Variants in COL23A1 observed in about 807,000 individuals in gnomAD.
The protein encoded by COL23A1 is collagen alpha-1(XXIII) chain.
COL23A1 carries 97 observed loss-of-function variants against 99.3 expected under a neutral mutation model. That is an observed-to-expected ratio of 0.98 (90% CI 0.83 to 1.16). The LOEUF (loss-of-function observed/expected upper bound fraction) is 1.16, where lower values mean the gene tolerates loss of function less well. Among genes scored for constraint, COL23A1 ranks in the 50% most tolerant of loss-of-function variants. The pLI is 0.00. For missense variants in COL23A1, 762 were observed against 757.4 expected (o/e 1.01, Z -0.07); for synonymous variants, 320 against 308.2 (o/e 1.04, Z -0.40).
intron 2 of COL23A1, among the ~76,000 whole-genome samples, chr5:178,546,878 GCA>G (rs1213844478): frequency 1.3e-5 from 2 of 152,182 alleles, no homozygotes; most frequent in African/African-American, 4.8e-5. Context: ...AAGGCCAGGG[GCA>G]CCCGAGCTGT....
At chr5:178,376,966 C>T (rs1218367209) in intron 2 of COL23A1, among the ~76,000 whole-genome samples, 1 of 152,210 alleles carries the variant, frequency 6.6e-6, no homozygotes, top group Admixed American at 6.5e-5. Flanking sequence ...CAAAAGCCCT[C>T]CCTCCCCTCG....
intron 2 of COL23A1, among the ~76,000 whole-genome samples, chr5:178,547,378 G>A (rs1761644312): frequency 6.6e-6 from 1 of 151,618 alleles, no homozygotes; most frequent in Non-Finnish European, 1.5e-5. Context: ...GGCTCTCCTG[G>A]GCCAGATTTT....
At chr5:178,451,196 C>T (rs1003042148) in intron 2 of COL23A1, among the ~76,000 whole-genome samples, 2 of 152,152 alleles carry the variant, frequency 1.3e-5, no homozygotes, top group East Asian at 3.8e-4. Flanking sequence ...CAAGACAAAA[C>T]CCCCTAGAGG....
intron 1 of COL23A1, among the ~76,000 whole-genome samples, chr5:178,588,274 C>T (rs898531418): frequency 6.6e-6 from 1 of 152,170 alleles, no homozygotes; most frequent in Non-Finnish European, 1.5e-5. Context: ...ACTCAAAAAT[C>T]AACACTTCCC....
At chr5:178,520,992 T>TA (rs1212928650) in intron 2 of COL23A1, among the ~76,000 whole-genome samples, 1 of 152,202 alleles carries the variant, frequency 6.6e-6, no homozygotes, top group East Asian at 1.9e-4. Flanking sequence ...AGCATGTACT[T>TA]ACACAAACCT....
chr5:178,424,868 G>C (rs1765825471), intron 2 of COL23A1, among the ~76,000 whole-genome samples: 1 of 152,214 alleles, frequency 6.6e-6, no homozygotes, highest in Admixed American at 6.5e-5. Flanking sequence ...ATACCACACA[G>C]AGGGGGTTCA....
chr5:178,383,034 C>G (rs955783157), intron 2 of COL23A1, among the ~76,000 whole-genome samples: 1 of 152,044 alleles, frequency 6.6e-6, no homozygotes, highest in African/African-American at 2.4e-5. Flanking sequence ...CTGACAGGAG[C>G]CAGGGGGTGT....
intron 24 of COL23A1, 127 bp downstream of exon 24, chr5:178,246,127 C>A: frequency 7.5e-7 from 1 of 1,331,912 alleles, no homozygotes; most frequent in Non-Finnish European, 1.1e-6. Context: ...CTGGCATCCA[C>A]AGAGCCTGAA....
intron 2 of COL23A1, among the ~76,000 whole-genome samples, chr5:178,424,192 A>G: frequency 6.6e-6 from 1 of 152,230 alleles, no homozygotes; most frequent in East Asian, 1.9e-4. Context: ...TCATTCATGC[A>G]TCCTGCATTC....
chr5:178,422,789 A>AG (rs776953402), intron 2 of COL23A1, among the ~76,000 whole-genome samples: 43 of 152,186 alleles, frequency 2.8e-4, no homozygotes, highest in Non-Finnish European at 5.7e-4. Flanking sequence ...ATAAATTACC[A>AG]GACTATGTCA....
At chr5:178,498,025 T>G (rs1032591468) in intron 2 of COL23A1, among the ~76,000 whole-genome samples, 1 of 151,104 alleles carries the variant, frequency 6.6e-6, no homozygotes, top group Non-Finnish European at 1.5e-5. Flanking sequence ...AATCAACACC[T>G]ATGTACAACA....
chr5:178,565,513 T>A (rs1467323215), intron 1 of COL23A1, among the ~76,000 whole-genome samples: 2 of 152,186 alleles, frequency 1.3e-5, no homozygotes. Flanking sequence ...CTCCTTTTCC[T>A]GACCCCTTTA....
At chr5:178,336,499 A>G (rs115401342) in intron 2 of COL23A1, among the ~76,000 whole-genome samples, 55 of 152,356 alleles carry the variant, frequency 3.6e-4, no homozygotes, top group African/African-American at 1.3e-3. Context: ...AAGGCCTCAG[A>G]TTGTGTGATT....
chr5:178,418,623 C>G (rs147855614), intron 2 of COL23A1, among the ~76,000 whole-genome samples: 50 of 152,364 alleles, frequency 3.3e-4, no homozygotes, highest in African/African-American at 1.1e-3. Flanking sequence ...AGCCCTTTCA[C>G]CAGCCTCCCA....
At chr5:178,312,318 C>T (rs557359842) in intron 2 of COL23A1, among the ~76,000 whole-genome samples, 141 of 152,340 alleles carry the variant, frequency 9.3e-4, no homozygotes, top group Non-Finnish European at 8.8e-4. Context: ...CCAGCCAGGG[C>T]TCCAGCTCGT....
chr5:178,549,815 C>CA (rs59089615), intron 2 of COL23A1, among the ~76,000 whole-genome samples: 16,009 of 151,834 alleles, frequency 0.11, 970 homozygotes, highest in Middle Eastern at 0.15. Flanking sequence ...AATCCTGTCT[C>CA]AAAAAACAAA....
At chr5:178,373,957 G>A (rs78444421) in intron 2 of COL23A1, among the ~76,000 whole-genome samples, 1,615 of 152,242 alleles carry the variant, frequency 0.011, 32 homozygotes, top group African/African-American at 0.037. Context: ...GAGTGGGGCC[G>A]GAGGGGAAGT....
chr5:178,518,359 T>C (rs1759686133), intron 2 of COL23A1, among the ~76,000 whole-genome samples: 1 of 150,946 alleles, frequency 6.6e-6, no homozygotes, highest in Non-Finnish European at 1.5e-5. Context: ...CCCGCCTTTC[T>C]ATTCCACAAA....
chr5:178,544,761 A>C lies in COL23A1; in HGVS notation c.361+15921T>G, dbSNP rs1333522947. Among the ~76,000 whole-genome samples the C allele has an allele frequency of 6.6e-6, 1 of 152,110 alleles. No homozygotes were observed. Among genetic ancestry groups the C allele is most frequent in the Non-Finnish European group, 1.5e-5 (1 of 68,008 alleles). ...CCAGGTCACCTGCTGCCCCCGTGCCACTGGGGTAGTACGTTCGGGCCAGAC... is the reference window on the plus strand; with the variant it reads ...CCAGGTCACCTGCTGCCCCCGTGCCCCTGGGGTAGTACGTTCGGGCCAGAC... On this transcript the variant is annotated intron_variant, in intron 2 of 28. Transcript: ENST00000390654. This position sits in a 1 kb window ranked among gnomAD's most constrained non-coding sequence, Gnocchi z 4.4.
Sources: allele counts gnomAD v4.1 joint callset (sites outside exome capture counted in the v4.1 genomes callset), GRCh38; gene constraint gnomAD v4.1.1; non-coding constraint Gnocchi (gnomAD v3.1); transcripts MANE v1.5; gene names NCBI Gene and HGNC (gene_info 2026-07-23, HGNC 2026-07-21).